Variants in MRPL45 observed in about 807,000 individuals in gnomAD.
The protein encoded by MRPL45 is large ribosomal subunit protein mL45.
In MRPL45, 20 loss-of-function variants were observed where a neutral mutation model predicts 38.1. The ratio of observed to expected loss-of-function variants is 0.53; its 90% confidence interval spans 0.37 to 0.76. The LOEUF (loss-of-function observed/expected upper bound fraction) is 0.76, where lower values mean the gene tolerates loss of function less well. Among genes scored for constraint, MRPL45 ranks in the 30% least tolerant of loss-of-function variants. The pLI, the probability that MRPL45 is intolerant of heterozygous loss-of-function variation, is 0.00. For synonymous variants in MRPL45, 105 were observed against 128.8 expected (o/e 0.82, Z 1.25); for missense variants, 337 against 395.6 (o/e 0.85, Z 1.26).
chr17:38,308,603 A>T (rs1160504627), intron 4 of MRPL45, among the ~76,000 whole-genome samples: 1 of 150,546 alleles, frequency 6.6e-6, no homozygotes, highest in African/African-American at 2.5e-5. Flanking sequence ...ACCACACCTG[A>T]CTATTTTCTG....
At chr17:38,311,922 A>G (rs985768921) in intron 4 of MRPL45, among the ~76,000 whole-genome samples, 3 of 152,084 alleles carry the variant, frequency 2.0e-5, no homozygotes, top group African/African-American at 7.2e-5. Flanking sequence ...GCATCTAGGT[A>G]CCTCACATAA....
intron 3 of MRPL45, among the ~76,000 whole-genome samples, chr17:38,301,093 C>T (rs2036990984): frequency 6.6e-6 from 1 of 152,128 alleles, no homozygotes; most frequent in South Asian, 2.1e-4. Context: ...TTTTTCTCCA[C>T]CATCATTCTT....
chr17:38,302,116 CAAAAAAAA>C (rs67699213), intron 3 of MRPL45, among the ~76,000 whole-genome samples: 1 of 75,596 alleles, frequency 1.3e-5, no homozygotes, highest in Non-Finnish European at 2.3e-5. Context: ...GACTCCGTCT[CAAAAAAAA>C]AAAAAAAAAA....
At chr17:38,304,869 C>T (rs1195922892) in intron 3 of MRPL45, among the ~76,000 whole-genome samples, 5 of 134,812 alleles carry the variant, frequency 3.7e-5, no homozygotes, top group South Asian at 2.3e-4. Context: ...TTTTTTGAGA[C>T]GAAGTCTCGC....
At chr17:38,307,768 G>C (rs2037068738) in intron 4 of MRPL45, among the ~76,000 whole-genome samples, 1 of 152,176 alleles carries the variant, frequency 6.6e-6, no homozygotes, top group South Asian at 2.1e-4. Flanking sequence ...ATCTGTGGCT[G>C]CTGTGGCTAG....
intron 4 of MRPL45, among the ~76,000 whole-genome samples, chr17:38,313,343 TATAC>T (rs2037141001): frequency 4.4e-3 from 86 of 19,684 alleles, no homozygotes; most frequent in African/African-American, 0.017. Flanking sequence ...CATATATATA[TATAC>T]GTATATATAT....
At chr17:38,298,932 G>A (rs2036964169) in intron 2 of MRPL45, among the ~76,000 whole-genome samples, 1 of 151,676 alleles carries the variant, frequency 6.6e-6, no homozygotes, top group Admixed American at 6.6e-5. Flanking sequence ...ACAGAGTCTC[G>A]TTCTGTCGCC....
At chr17:38,308,430 GT>G (rs372787033) in intron 4 of MRPL45, among the ~76,000 whole-genome samples, 124,368 of 147,186 alleles carry the variant, frequency 0.84, 52,936 homozygotes, top group South Asian at 0.92. Flanking sequence ...TCAAAACATT[GT>G]TTTTTTTTTT....
At chr17:38,318,304 C>T (rs2144236422) in intron 4 of MRPL45, among the ~76,000 whole-genome samples, 2 of 148,752 alleles carry the variant, frequency 1.3e-5, no homozygotes, top group Middle Eastern at 6.9e-3. Flanking sequence ...TTGATTGTTA[C>T]TTGTGTTGAA....
chr17:38,310,422 G>A (rs921392623), intron 4 of MRPL45, among the ~76,000 whole-genome samples: 5 of 150,748 alleles, frequency 3.3e-5, no homozygotes, highest in East Asian at 3.9e-4. Context: ...TCTGCCTCCC[G>A]GATTCAAGGA....
intron 4 of MRPL45, among the ~76,000 whole-genome samples, chr17:38,313,317 TATATATATATATATAC>T (rs1597652567): frequency 2.8e-5 from 1 of 35,504 alleles, no homozygotes; most frequent in Non-Finnish European, 4.4e-5. Context: ...AAAAAATATA[TATATATATATATATAC>T]ATATATATAT....
At chr17:38,318,899 C>G (rs1190692429) in intron 5 of MRPL45, among the ~76,000 whole-genome samples, 164 bp downstream of exon 5, 2 of 149,510 alleles carry the variant, frequency 1.3e-5, no homozygotes, top group Non-Finnish European at 2.9e-5. Flanking sequence ...GCGATCTTGG[C>G]TCACCGCAAC....
At chr17:38,301,989 C>T (rs1473025464) in intron 3 of MRPL45, among the ~76,000 whole-genome samples, 4 of 151,798 alleles carry the variant, frequency 2.6e-5, no homozygotes, top group Admixed American at 2.0e-4. Flanking sequence ...CGGTGGTGGG[C>T]GCCTGTAGTC....
At chr17:38,316,276 T>C (rs772203277) in intron 4 of MRPL45, among the ~76,000 whole-genome samples, 1 of 152,204 alleles carries the variant, frequency 6.6e-6, no homozygotes, top group Non-Finnish European at 1.5e-5. Context: ...CTTTGCCTGC[T>C]CAAACCTGCT....
chr17:38,318,675 T>C lies in MRPL45; in HGVS notation c.462-12T>C, dbSNP rs756719528. On this transcript the variant is annotated splice_polypyrimidine_tract_variant and intron_variant, in intron 4 of 7. Coordinates refer to ENST00000613675, the MANE Select transcript of MRPL45 (RefSeq NM_032351.6). ...AGCAATAGTCAATGATATTTATTGC[T>C]TTCTTTTCTAGCTCAGACCATGACC... The C allele has an allele frequency of 2.5e-6, 4 of 1,597,644 alleles. No homozygotes were observed. The Admixed American group carries it at 6.7e-5, about 27-fold the overall frequency.
At position 38,315,862 on chromosome 17, in the gene MRPL45, T is replaced by G. The variant is rs557282815; in HGVS notation, c.462-2825T>G. Among the ~76,000 whole-genome samples, 184 of 152,116 alleles carry G rather than the reference T, an allele frequency of 1.2e-3. 1 individual carries two copies. The highest frequency in any genetic ancestry group is 2.4e-3 in the Admixed American group (37 of 15,260). The stretch of plus-strand genomic sequence containing the variant: ...ATCTCGGCTCATTGCAGCCTCCGCC[T>G]CCCAGGTTCAAGTGATTCTCCTGCC... On this transcript the variant is annotated intron_variant, in intron 4 of 7. Transcript: ENST00000613675.
chr17:38,319,207 T>C (rs1936750593), intron 5 of MRPL45, among the ~76,000 whole-genome samples: 3 of 151,846 alleles, frequency 2.0e-5, no homozygotes, highest in Admixed American at 1.3e-4. Context: ...GGCTAATTTT[T>C]TGTATTTTTA....
intron 3 of MRPL45, among the ~76,000 whole-genome samples, chr17:38,301,604 G>A (rs2036996499): frequency 1.3e-5 from 2 of 152,082 alleles, no homozygotes; most frequent in Non-Finnish European, 2.9e-5. Flanking sequence ...GATTGTAATT[G>A]CACACTTGTA....
intron 3 of MRPL45, among the ~76,000 whole-genome samples, chr17:38,306,325 C>T (rs191255406): frequency 0.016 from 2,390 of 150,892 alleles, 36 homozygotes; most frequent in Non-Finnish European, 0.021. Flanking sequence ...AGGAGAATGG[C>T]GTGAACCTGG....
Sources: gnomAD v4.1 joint callset for allele counts (sites outside exome capture counted in the v4.1 genomes callset) on GRCh38, gnomAD v4.1.1 for gene constraint, MANE v1.5 for transcripts, NCBI Gene and HGNC (gene_info 2026-07-23, HGNC 2026-07-21) for gene names.